The following PPEF1 variants were observed in gnomAD, a reference collection of about 807,000 sequenced individuals.
The protein encoded by PPEF1 is protein phosphatase with EF-hand domain 1, also known as serine/threonine-protein phosphatase with EF-hands 1.
Under a neutral mutation model 53.3 loss-of-function variants are expected in PPEF1, and 12 were observed. The ratio of observed to expected loss-of-function variants is 0.23; its 90% CI spans 0.14 to 0.36. The LOEUF (loss-of-function observed/expected upper bound fraction) is 0.36. PPEF1 is among the 10% of genes least tolerant of loss of function. The pLI is 1.00. For synonymous variants in PPEF1, 165 were observed against 176.7 expected, an observed-to-expected ratio of 0.93 and a Z score of 0.52; for missense variants, 334 against 490.4, an observed-to-expected ratio of 0.68 and a Z score of 3.01.
chrX:18,818,297 T>C, intron 13 of PPEF1, 152 bp downstream of exon 13: 1 of 363,669 alleles, frequency 2.7e-6, no homozygotes, highest in Non-Finnish European at 4.7e-6. Flanking sequence ...CATTATTTGC[T>C]CAAAAAAGGC....
intron 13 of PPEF1, among the ~76,000 whole-genome samples, chrX:18,819,192 A>G (rs73636689): frequency 0.043 from 4,849 of 112,051 alleles, 262 homozygotes; most frequent in African/African-American, 0.15. Flanking sequence ...AGAAACAACA[A>G]TTATTTCCCC....
intron 9 of PPEF1, among the ~76,000 whole-genome samples, chrX:18,784,253 G>A (rs1191748064): frequency 9.0e-6 from 1 of 111,056 alleles, no homozygotes; most frequent in Admixed American, 9.6e-5. Flanking sequence ...TTCTATATAT[G>A]GAAAAAAATT....
intron 5 of PPEF1, 76 bp downstream of exon 5, chrX:18,757,817 C>G: frequency 1.4e-6 from 1 of 728,200 alleles, no homozygotes; most frequent in Non-Finnish European, 2.1e-6. Flanking sequence ...AACTTGAAAA[C>G]TGTGTAAATT....
At chrX:18,777,726 G>A (rs779296890) in intron 6 of PPEF1, among the ~76,000 whole-genome samples, 4 of 106,171 alleles carry the variant, frequency 3.8e-5, no homozygotes, top group South Asian at 4.3e-4. Flanking sequence ...GGGTTTCACC[G>A]TGTGTTAGCC....
intron 1 of PPEF1, among the ~76,000 whole-genome samples, chrX:18,724,135 A>G (rs1309798909): frequency 9.0e-6 from 1 of 111,485 alleles, no homozygotes; most frequent in Non-Finnish European, 1.9e-5. Flanking sequence ...ATATAGCAAA[A>G]TGAGGATGAG....
At chrX:18,677,319 G>A (rs777131049) in intron 1 of PPEF1, among the ~76,000 whole-genome samples, 61 of 112,425 alleles carry the variant, frequency 5.4e-4, no homozygotes, top group African/African-American at 1.6e-3. Context: ...GATTGCAGGC[G>A]TAAGCCACCG....
intron 12 of PPEF1, among the ~76,000 whole-genome samples, chrX:18,808,723 G>T (rs1358909230): frequency 9.0e-6 from 1 of 111,367 alleles, no homozygotes; most frequent in Admixed American, 9.7e-5. Flanking sequence ...CTCTCTCACC[G>T]GTTAGAATGG....
intron 6 of PPEF1, among the ~76,000 whole-genome samples, chrX:18,766,911 G>A (rs983999865): frequency 7.2e-5 from 8 of 111,464 alleles, no homozygotes; most frequent in Admixed American, 1.9e-4. Context: ...AATTAGCTTC[G>A]CATGGTGGTG....
intron 12 of PPEF1, among the ~76,000 whole-genome samples, chrX:18,810,544 C>T (rs1222367347): frequency 8.9e-6 from 1 of 112,018 alleles, no homozygotes; most frequent in Non-Finnish European, 1.9e-5. Flanking sequence ...CTCCTCCCAT[C>T]ACAGCCCTAG....
intron 1 of PPEF1, among the ~76,000 whole-genome samples, chrX:18,711,668 A>G (rs2044331322): frequency 1.6e-5 from 1 of 64,400 alleles, no homozygotes; most frequent in Non-Finnish European, 2.5e-5. Context: ...TCAATTGACC[A>G]TAAATGTTTA....
At chrX:18,809,097 A>ATCTGTCTGTCTG (rs1555978289) in intron 12 of PPEF1, among the ~76,000 whole-genome samples, 5 of 93,720 alleles carry the variant, frequency 5.3e-5, no homozygotes, top group African/African-American at 2.6e-4. Flanking sequence ...CATTATATCT[A>ATCTGTCTGTCTG]TCTATCTATC....
chrX:18,824,223 C>CTT, intron 14 of PPEF1, 137 bp downstream of exon 14: 1 of 624,794 alleles, frequency 1.6e-6, no homozygotes, highest in Non-Finnish European at 2.3e-6. Flanking sequence ...GGGCAGATCC[C>CTT]GAGGTCAGGA....
chrX:18,730,103 TCC>T, intron 1 of PPEF1, 76 bp from the exon 2 acceptor site: 1 of 1,029,724 alleles, frequency 9.7e-7, no homozygotes, highest in Non-Finnish European at 1.3e-6. Flanking sequence ...GCTTTTTTTT[TCC>T]ACTGAAGCAC....
intron 3 of PPEF1, among the ~76,000 whole-genome samples, chrX:18,746,958 G>A (rs982960572): frequency 8.1e-5 from 9 of 111,532 alleles, no homozygotes; most frequent in Non-Finnish European, 1.5e-4. Context: ...TGTGTAAGGT[G>A]CTTAGAACAG....
upstream of PPEF1, among the ~76,000 whole-genome samples, chrX:18,681,859 A>G (rs902387643): frequency 9.0e-5 from 10 of 111,208 alleles, no homozygotes; most frequent in African/African-American, 3.3e-4. Context: ...TGCCCCATAG[A>G]CAGGTTGGCC....
intron 9 of PPEF1, 32 bp downstream of exon 9, chrX:18,784,080 C>G (rs1309845843): frequency 6.1e-6 from 7 of 1,142,674 alleles, no homozygotes; most frequent in South Asian, 2.1e-5. Context: ...AATCTTCTCT[C>G]AGGGATTTAG....
intron 6 of PPEF1, among the ~76,000 whole-genome samples, chrX:18,768,959 A>G (rs781513937): frequency 3.6e-5 from 4 of 112,569 alleles, no homozygotes; most frequent in African/African-American, 6.4e-5. Context: ...TGCCTAAATC[A>G]TGAAGGGAAG....
At chrX:18,750,151 T>C (rs1478385200) in intron 4 of PPEF1, among the ~76,000 whole-genome samples, 199 bp downstream of exon 4, 1 of 112,032 alleles carries the variant, frequency 8.9e-6, no homozygotes, top group East Asian at 2.8e-4. Flanking sequence ...GCTAACAGCA[T>C]TTCATTTGCC....
intron 12 of PPEF1, among the ~76,000 whole-genome samples, chrX:18,809,147 T>C (rs775744472): frequency 3.6e-4 from 38 of 106,093 alleles, no homozygotes; most frequent in Non-Finnish European, 7.1e-4. Context: ...ATCTAGTAAT[T>C]CCTTGATATT....
Sources: gnomAD v4.1 joint callset for allele counts (sites outside exome capture counted in the v4.1 genomes callset) on GRCh38, gnomAD v4.1.1 for gene constraint, MANE v1.5 for transcripts, NCBI Gene and HGNC (gene_info 2026-07-23, HGNC 2026-07-21) for gene names.